Variants in KANSL2 observed in about 807,000 individuals in gnomAD.
KANSL2 encodes the protein NSL complex protein NSL2.
KANSL2 carries 34 observed loss-of-function variants against 55.6 expected under a neutral mutation model. That is an observed-to-expected ratio of 0.61 (90% confidence interval 0.46 to 0.81). KANSL2 has a LOEUF of 0.81. Ranked by LOEUF, KANSL2 falls within the 40% of genes least tolerant of loss-of-function variation. KANSL2 has a pLI of 0.00. For synonymous variants in KANSL2, 209 were observed against 214.3 expected (o/e 0.98, Z 0.22); for missense variants, 502 against 609.9 (o/e 0.82, Z 1.86).
intron 2 of KANSL2, chr12:48,681,098 T>G (rs999282035): frequency 6.8e-6 from 1 of 146,934 alleles, no homozygotes; most frequent in African/African-American, 5.5e-5. Flanking sequence ...CTGGTCAAAA[T>G]AGCAAGACCC....
rs780792269 is a variant in KANSL2, at chr12:48,681,748, T to A, written c.-9-107A>T. On this transcript the variant is annotated intron_variant, in intron 1 of 9. Coordinates refer to ENST00000420613, the MANE Select transcript of KANSL2 (RefSeq NM_017822.4). ...AAAGGACATGCAGAAGTCGTCCCCG[T>A]AAGGTACGCTCCGTAAGTCCCCGCC... 768 of 1,410,610 alleles carry A rather than the reference T, an allele frequency of 5.4e-4. 2 individuals are homozygous for A. Among genetic ancestry groups the A allele is most frequent in the Non-Finnish European group, 7.1e-4 (720 of 1,011,852 alleles). 87.4% of individuals were successfully genotyped at this position (1,410,610 alleles called of 1,614,324 possible).
At chr12:48,676,324 T>C (rs1243315738) in intron 4 of KANSL2, among the ~76,000 whole-genome samples, 1 of 152,118 alleles carries the variant, frequency 6.6e-6, no homozygotes, top group African/African-American at 2.4e-5. Context: ...CAGGCTGGTC[T>C]CGAACTCCTG....
chr12:48,665,157 T>C (rs1283533340), intron 7 of KANSL2, among the ~76,000 whole-genome samples: 1 of 152,192 alleles, frequency 6.6e-6, no homozygotes, highest in Non-Finnish European at 1.5e-5. Context: ...AACAATAATC[T>C]CTTATCAGAC....
chr12:48,660,258 C>T (rs1592098325), intron 8 of KANSL2, 108 bp downstream of exon 8: 2 of 1,153,696 alleles, frequency 1.7e-6, no homozygotes, highest in East Asian at 4.9e-5. Flanking sequence ...TATATCACTT[C>T]AAAAACTTTG....
At chr12:48,675,240 C>G (rs1237142088) in intron 4 of KANSL2, among the ~76,000 whole-genome samples, 3 of 150,770 alleles carry the variant, frequency 2.0e-5, no homozygotes, top group Admixed American at 2.0e-4. Context: ...TACTAAAATA[C>G]AAAAAAAAGA....
chr12:48,677,551 G>A (rs1939844785), intron 4 of KANSL2, among the ~76,000 whole-genome samples: 1 of 152,066 alleles, frequency 6.6e-6, no homozygotes, highest in Non-Finnish European at 1.5e-5. Context: ...GGAGGCCGAG[G>A]CAGGTGAATC....
chr12:48,664,793 A>G (rs1939560948), intron 7 of KANSL2, among the ~76,000 whole-genome samples: 1 of 149,860 alleles, frequency 6.7e-6, no homozygotes, highest in African/African-American at 2.5e-5. Flanking sequence ...CATCTTGGCC[A>G]GGCTGGTCTT....
intron 8 of KANSL2, among the ~76,000 whole-genome samples, chr12:48,657,627 T>C (rs1229486459): frequency 1.3e-5 from 2 of 152,040 alleles, no homozygotes; most frequent in Non-Finnish European, 2.9e-5. Flanking sequence ...TGTGCGTGCG[T>C]GTGTGTGAGA....
At chr12:48,665,757 T>C (rs1397698772) in intron 7 of KANSL2, among the ~76,000 whole-genome samples, 1 of 152,212 alleles carries the variant, frequency 6.6e-6, no homozygotes, top group African/African-American at 2.4e-5. Flanking sequence ...ATGCCAAATG[T>C]AGTCCTTTAA....
intron 4 of KANSL2, 32 bp downstream of exon 4, chr12:48,679,004 T>C: frequency 6.8e-7 from 1 of 1,472,248 alleles, no homozygotes; most frequent in East Asian, 2.3e-5. Flanking sequence ...ACTAACTACA[T>C]TTCAAATGCC....
chr12:48,680,982 C>A (rs1006706542), intron 2 of KANSL2, among the ~76,000 whole-genome samples: 8 of 149,378 alleles, frequency 5.4e-5, no homozygotes, highest in Non-Finnish European at 8.9e-5. Flanking sequence ...GCCCCCCCGC[C>A]AAAAAATTAA....
intron 2 of KANSL2, 91 bp from the exon 3 acceptor site, chr12:48,679,924 G>C (rs1019647352): frequency 9.2e-5 from 101 of 1,098,150 alleles, no homozygotes; most frequent in Non-Finnish European, 1.3e-4. Context: ...CATTTTTAGG[G>C]AATTAAAATG....
chr12:48,667,898 T>C, intron 6 of KANSL2, 109 bp from the exon 7 acceptor site: 2 of 796,944 alleles, frequency 2.5e-6, no homozygotes, highest in Non-Finnish European at 4.1e-6. Flanking sequence ...AAATTCAACA[T>C]TTAACAAAAA....
At chr12:48,669,389 T>TGCCTTTGCTTTTGCTG in intron 5 of KANSL2, 117 bp from the exon 6 acceptor site, 1 of 701,102 alleles carries the variant, frequency 1.4e-6, no homozygotes, top group Non-Finnish European at 2.3e-6. Context: ...CAAAAGCAAA[T>TGCCTTTGCTTTTGCTG]GACCCCCAAT....
chr12:48,669,243 G>C lies in KANSL2; in HGVS notation c.739C>G (p.Leu247Val). The change falls in exon 6 of 10, where the codon CTT becomes GTT. Residue 247 changes from leucine to valine, a missense_variant. Leu to Val is a conservative substitution (Grantham distance 32). Transcript: ENST00000420613. ...GSSLLTGPEG[L>V]LAKERENLKR... The stretch of plus-strand genomic sequence containing the variant: ...AAGTTCTCTCGTTCTTTGGCCAAAA[G>C]TCCCTCTGGGCCAGTCAGGAGACTA... 1.3e-6 allele frequency: 2 copies of C among 1,575,460 alleles called. No homozygotes were observed. Among genetic ancestry groups the C allele is most frequent in the South Asian group, 2.3e-5 (2 of 85,514 alleles).
At chr12:48,663,306 G>A (rs1939522337) in intron 7 of KANSL2, among the ~76,000 whole-genome samples, 2 of 152,026 alleles carry the variant, frequency 1.3e-5, no homozygotes, top group Admixed American at 6.6e-5. Context: ...TATTCCCACT[G>A]GCAATATTTA....
At chr12:48,658,948 T>C (rs2137177638) in intron 8 of KANSL2, among the ~76,000 whole-genome samples, 1 of 152,314 alleles carries the variant, frequency 6.6e-6, no homozygotes, top group South Asian at 2.1e-4. Flanking sequence ...TTTTTACTCA[T>C]ATTAATATCT....
intron 5 of KANSL2, among the ~76,000 whole-genome samples, chr12:48,670,130 G>C (rs918297895): frequency 3.3e-5 from 5 of 151,120 alleles, no homozygotes; most frequent in African/African-American, 1.2e-4. Context: ...GAACCCGGGA[G>C]GTGGAGGTTG....
At chr12:48,678,550 A>T (rs1367175551) in intron 4 of KANSL2, among the ~76,000 whole-genome samples, 3 of 152,256 alleles carry the variant, frequency 2.0e-5, no homozygotes, top group Non-Finnish European at 4.4e-5. Context: ...GTTTACAAGT[A>T]TCCAAACATC....
Sources: gnomAD v4.1 joint callset for allele counts (sites outside exome capture counted in the v4.1 genomes callset) on GRCh38, gnomAD v4.1.1 for gene constraint, MANE v1.5 for transcripts, NCBI Gene and HGNC (gene_info 2026-07-23, HGNC 2026-07-21) for gene names.